Variants in C17orf67 observed in about 807,000 individuals in gnomAD.
C17orf67 encodes the protein uncharacterized protein C17orf67.
Under a neutral mutation model 11.2 loss-of-function variants are expected in C17orf67, and 12 were observed. The ratio of observed to expected loss-of-function variants is 1.07; its 90% CI spans 0.68 to 1.73. The LOEUF (loss-of-function observed/expected upper bound fraction) is 1.73. C17orf67 is among the 40% of genes most tolerant of loss of function. The pLI is 0.00. For synonymous variants in C17orf67, 59 were observed against 46.9 expected, an observed-to-expected ratio of 1.26 and a Z score of -1.05; for missense variants, 115 against 113.5, an observed-to-expected ratio of 1.01 and a Z score of -0.06.
chr17:56,825,081 C>T lies in C17orf67; in HGVS notation c.-316G>A, dbSNP rs948301997. 3.9e-5 allele frequency: 6 copies of T among 152,134 alleles called. No individual in the cohort carries two copies. Among genetic ancestry groups the T allele is most frequent in the African/African-American group, 1.4e-4 (6 of 41,404 alleles). The allele number at this position is 152,134 out of a possible 1,614,324, so 9.4% of individuals were successfully genotyped here. On this transcript the variant is annotated splice_region_variant and 5_prime_UTR_variant, in exon 3 of 8. Transcript: ENST00000397861. ...AAAAAAAGTTTGAATAAAGAATTAC[C>T]TAGGGAACTTGTTAAGAAGTTAGAT...
intron 6 of C17orf67, among the ~76,000 whole-genome samples, chr17:56,810,469 TCA>T (rs1287600793): frequency 6.6e-6 from 1 of 151,104 alleles, no homozygotes; most frequent in Non-Finnish European, 1.5e-5. Flanking sequence ...TCACACACAT[TCA>T]CACACACATA....
chr17:56,796,536 G>T (rs1230118247), intron 6 of C17orf67, among the ~76,000 whole-genome samples: 2 of 152,138 alleles, frequency 1.3e-5, no homozygotes, highest in African/African-American at 4.8e-5. Context: ...ACAGAAAGCA[G>T]CTCCTTGCCC....
chr17:56,827,249 T>C (rs1249941721), intron 2 of C17orf67, among the ~76,000 whole-genome samples: 11 of 152,248 alleles, frequency 7.2e-5, no homozygotes, highest in Admixed American at 6.5e-4. Context: ...CAGAATTTTT[T>C]TTGAGACAAG....
chr17:56,828,134 G>A (rs913412358), intron 2 of C17orf67, among the ~76,000 whole-genome samples: 17 of 147,876 alleles, frequency 1.1e-4, no homozygotes, highest in African/African-American at 3.7e-4. Context: ...AGCCAGGCAC[G>A]GCGGCTCACG....
chr17:56,804,238 CTTAAA>C (rs749233510), intron 6 of C17orf67: 3 of 152,132 alleles, frequency 2.0e-5, no homozygotes, highest in Non-Finnish European at 4.4e-5. Flanking sequence ...TGATAATGAA[CTTAAA>C]TACCCACCAG....
chr17:56,815,961 T>C lies in C17orf67; in HGVS notation c.-151A>G, dbSNP rs1905752571. 4 of 1,420,894 alleles carry C rather than the reference T, an allele frequency of 2.8e-6. No homozygotes were observed. The highest frequency in any genetic ancestry group is 2.8e-5 in the African/African-American group (2 of 71,412). The allele number at this position is 1,420,894 out of a possible 1,614,324, so 88.0% of individuals were successfully genotyped here. ...TGAATGTATCTGACTCTGAGCGTTTTAGTAATGACCACTGAAATATTTTCC... is the reference window on the plus strand; with the variant it reads ...TGAATGTATCTGACTCTGAGCGTTTCAGTAATGACCACTGAAATATTTTCC... On this transcript the variant is annotated 5_prime_UTR_variant, in exon 5 of 8. Coordinates refer to ENST00000397861, the MANE Select transcript of C17orf67 (RefSeq NM_001085430.4).
intron 6 of C17orf67, among the ~76,000 whole-genome samples, chr17:56,807,824 A>C (rs1313688185): frequency 6.6e-6 from 1 of 151,972 alleles, no homozygotes; most frequent in Non-Finnish European, 1.5e-5. Context: ...CAGGAGGCCC[A>C]GACTCCAGTG....
chr17:56,807,589 T>C (rs1490620177), intron 6 of C17orf67, among the ~76,000 whole-genome samples: 4 of 152,186 alleles, frequency 2.6e-5, no homozygotes, highest in Non-Finnish European at 4.4e-5. Context: ...CATAAGCACA[T>C]TCATCACTAA....
At chr17:56,796,961 G>A (rs1905226121) in intron 6 of C17orf67, among the ~76,000 whole-genome samples, 1 of 152,044 alleles carries the variant, frequency 6.6e-6, no homozygotes, top group Non-Finnish European at 1.5e-5. Context: ...TCTACCCACG[G>A]GTTTTGTCTG....
In C17orf67 at chr17:56,808,864, G is replaced by A. The variant is rs1364034906; in HGVS notation, c.156+6005C>T. Among the ~76,000 whole-genome samples the A allele has an allele frequency of 6.6e-5, 10 of 152,130 alleles. No homozygotes were observed. The East Asian group carries it at 1.9e-3, about 29-fold the overall frequency. ...GAGACTTCTGCAAATCTTCATACTT[G>A]TTTTCATTTTGAATTCTTAACACCT... On this transcript the variant is annotated intron_variant, in intron 6 of 7. Transcript: ENST00000397861.
At chr17:56,833,453 C>T (rs1208205980) in intron 1 of C17orf67, 111 bp from the exon 2 acceptor site, 1 of 151,260 alleles carries the variant, frequency 6.6e-6, no homozygotes, top group Non-Finnish European at 1.5e-5. Flanking sequence ...GGGGGTAGCG[C>T]AGGGGAGGCC....
chr17:56,817,786 T>G (rs1222256922), intron 4 of C17orf67, among the ~76,000 whole-genome samples: 4 of 152,172 alleles, frequency 2.6e-5, no homozygotes, highest in African/African-American at 9.7e-5. Flanking sequence ...ATATTTGATT[T>G]CATGCACTCT....
At chr17:56,796,795 G>A (rs1177277032) in intron 6 of C17orf67, among the ~76,000 whole-genome samples, 5 of 151,432 alleles carry the variant, frequency 3.3e-5, no homozygotes, top group Admixed American at 2.0e-4. Context: ...CCACCCCTGC[G>A]TGTTGCATTC....
In C17orf67 at chr17:56,828,034, A is replaced by G. The variant is rs149223674; in HGVS notation, c.-556-2713T>C. Among the ~76,000 whole-genome samples, 433 of 149,674 alleles carry G rather than the reference A, an allele frequency of 2.9e-3. 1 individual carries two copies. The highest frequency in any genetic ancestry group is 9.3e-3 in the African/African-American group (378 of 40,490). On this transcript the variant is annotated intron_variant, in intron 2 of 7. Coordinates refer to ENST00000397861, the MANE Select transcript of C17orf67 (RefSeq NM_001085430.4). ...ATCCCAGCCAATATGGTGAAACCCCATCTCTACTAAAAATACAAAAATTAG... is the reference window on the plus strand; with the variant it reads ...ATCCCAGCCAATATGGTGAAACCCCGTCTCTACTAAAAATACAAAAATTAG...
intron 6 of C17orf67, among the ~76,000 whole-genome samples, chr17:56,810,489 A>G (rs1905596359): frequency 3.3e-5 from 5 of 152,052 alleles, no homozygotes. Context: ...ATACACACAT[A>G]CACAATACTG....
intron 6 of C17orf67, among the ~76,000 whole-genome samples, chr17:56,809,928 CCT>C (rs1435262587): frequency 1.4e-5 from 2 of 146,172 alleles, no homozygotes; most frequent in East Asian, 2.1e-4. Flanking sequence ...CTCACACACC[CCT>C]CACACATACT....
intron 6 of C17orf67, among the ~76,000 whole-genome samples, chr17:56,810,289 C>T (rs1221652584): frequency 6.7e-6 from 1 of 149,078 alleles, no homozygotes. Context: ...CACACACCTT[C>T]ACATACTCCT....
At chr17:56,808,834 G>A (rs1905519866) in intron 6 of C17orf67, among the ~76,000 whole-genome samples, 1 of 152,234 alleles carries the variant, frequency 6.6e-6, no homozygotes, top group Non-Finnish European at 1.5e-5. Context: ...AGATCTTCAT[G>A]AGGAGAGACT....
At chr17:56,819,233 G>C (rs1905839033) in intron 4 of C17orf67, among the ~76,000 whole-genome samples, 1 of 151,984 alleles carries the variant, frequency 6.6e-6, no homozygotes, top group Non-Finnish European at 1.5e-5. Flanking sequence ...TCCCGCCTCA[G>C]GACCTTTGCA....
Sources: allele counts gnomAD v4.1 joint callset (sites outside exome capture counted in the v4.1 genomes callset), GRCh38; gene constraint gnomAD v4.1.1; transcripts MANE v1.5; gene names NCBI Gene and HGNC (gene_info 2026-07-23, HGNC 2026-07-21).